SCRN1: variants seen among roughly 807,000 people sequenced by gnomAD.
SCRN1 encodes secernin 1.
A neutral mutation model predicts 43.3 loss-of-function variants in SCRN1; 19 were observed. The ratio of observed to expected loss-of-function variants is 0.44; its 90% CI spans 0.31 to 0.64. The LOEUF (loss-of-function observed/expected upper bound fraction) is 0.64, where lower values mean the gene tolerates loss of function less well. Among genes scored for constraint, SCRN1 ranks in the 30% least tolerant of loss-of-function variants. The pLI is 0.09. For missense variants in SCRN1, 447 were observed against 524.1 expected, an observed-to-expected ratio of 0.85 and a Z score of 1.44; for synonymous variants, 183 against 188.9, an observed-to-expected ratio of 0.97 and a Z score of 0.26.
intron 2 of SCRN1, among the ~76,000 whole-genome samples, chr7:29,957,135 GTTTA>G (rs558467942): frequency 7.9e-5 from 12 of 152,166 alleles, no homozygotes; most frequent in Admixed American, 2.0e-4. Flanking sequence ...TTAGGAAATG[GTTTA>G]TTTGTCTTCA....
chr7:29,957,234 C>G (rs1583676514), intron 2 of SCRN1, among the ~76,000 whole-genome samples: 2 of 152,358 alleles, frequency 1.3e-5, no homozygotes, highest in East Asian at 3.9e-4. Context: ...CTAAATGCTG[C>G]AAGCAGAAAA....
intron 1 of SCRN1, among the ~76,000 whole-genome samples, chr7:29,973,736 G>A (rs943753843): frequency 6.6e-5 from 10 of 152,206 alleles, no homozygotes; most frequent in Admixed American, 6.5e-4. Context: ...CCACAAAGCA[G>A]ACAGAAATGA....
intron 6 of SCRN1, 100 bp from the exon 7 acceptor site, chr7:29,926,732 ATGGTGGG>A: frequency 3.9e-6 from 2 of 516,872 alleles, no homozygotes; most frequent in Non-Finnish European, 6.7e-6. Flanking sequence ...AAGCCAACTT[ATGGTGGG>A]TGGTGGGTGT....
intron 2 of SCRN1, among the ~76,000 whole-genome samples, chr7:29,957,370 C>T (rs1198806206): frequency 1.3e-5 from 2 of 152,344 alleles, no homozygotes; most frequent in Non-Finnish European, 2.9e-5. Flanking sequence ...CCTGAAGCAT[C>T]GTGCCACTGC....
At chr7:29,975,949 G>A (rs1562822366) in intron 1 of SCRN1, among the ~76,000 whole-genome samples, 1 of 152,166 alleles carries the variant, frequency 6.6e-6, no homozygotes, top group Non-Finnish European at 1.5e-5. Context: ...AATGTTGCAT[G>A]CTATTGGAGG....
At chr7:29,981,244 A>G (rs1788984334) in intron 1 of SCRN1, among the ~76,000 whole-genome samples, 1 of 152,192 alleles carries the variant, frequency 6.6e-6, no homozygotes, top group Non-Finnish European at 1.5e-5. Context: ...TACTCAGGAA[A>G]GCTTTTGATC....
At chr7:29,934,584 C>G (rs1787261263) in intron 6 of SCRN1, among the ~76,000 whole-genome samples, 1 of 152,204 alleles carries the variant, frequency 6.6e-6, no homozygotes, top group South Asian at 2.1e-4. Flanking sequence ...ATTAGGGGAG[C>G]AAACTAGGTC....
At chr7:29,962,534 G>A (rs758834950) in intron 2 of SCRN1, among the ~76,000 whole-genome samples, 8 of 151,688 alleles carry the variant, frequency 5.3e-5, no homozygotes, top group Non-Finnish European at 1.0e-4. Flanking sequence ...CCAAAAATAC[G>A]AAAATTAGCC....
intron 1 of SCRN1, among the ~76,000 whole-genome samples, chr7:29,981,896 A>G (rs1789002178): frequency 6.6e-6 from 1 of 152,244 alleles, no homozygotes; most frequent in African/African-American, 2.4e-5. Flanking sequence ...AGAACATTCC[A>G]TAGAAGGCTC....
intron 5 of SCRN1, among the ~76,000 whole-genome samples, chr7:29,940,458 G>T (rs1787500025): frequency 6.6e-6 from 1 of 152,124 alleles, no homozygotes; most frequent in African/African-American, 2.4e-5. Flanking sequence ...GAATAACATG[G>T]GTAGGAGCAG....
At chr7:29,969,586 C>T (rs1359593602) in intron 1 of SCRN1, among the ~76,000 whole-genome samples, 4 of 152,218 alleles carry the variant, frequency 2.6e-5, no homozygotes, top group Non-Finnish European at 5.9e-5. Flanking sequence ...TACTCCACCT[C>T]GATGACATAA....
chr7:29,982,059 CACTG>C (rs1465729347), intron 1 of SCRN1, among the ~76,000 whole-genome samples: 2 of 152,208 alleles, frequency 1.3e-5, no homozygotes, highest in Non-Finnish European at 2.9e-5. Flanking sequence ...AGCTCACTCC[CACTG>C]ACTCTTTTCC....
At chr7:29,954,985 G>C (rs1303089572) in intron 3 of SCRN1, among the ~76,000 whole-genome samples, 194 bp downstream of exon 3, 1 of 152,032 alleles carries the variant, frequency 6.6e-6, no homozygotes, top group Non-Finnish European at 1.5e-5. Context: ...CCAGCCACTT[G>C]ATTTTTTTTT....
chr7:29,989,957 G>A (rs1789315631), upstream of SCRN1: 1 of 1,365,276 alleles, frequency 7.3e-7, no homozygotes. Flanking sequence ...GAGTAGGGAG[G>A]GGGCCTGGGA....
At chr7:29,925,487 G>A (rs564630096) in intron 7 of SCRN1, among the ~76,000 whole-genome samples, 68 of 152,298 alleles carry the variant, frequency 4.5e-4, no homozygotes, top group East Asian at 1.2e-3. Flanking sequence ...AATAGTTGGG[G>A]AAAACTGATG....
rs977426411 is a variant in SCRN1, at chr7:29,965,252, G to A, written c.159+3657C>T. The stretch of plus-strand genomic sequence containing the variant: ...TGGACTCTCATCCTGTAAACAAAAC[G>A]AAACACTTTTCAGCAAGGGAGTGGT... On this transcript the variant is annotated intron_variant, in intron 2 of 7. Coordinates refer to ENST00000242059, the MANE Select transcript of SCRN1 (RefSeq NM_014766.5). This position sits in a 1 kb window ranked among gnomAD's most constrained non-coding sequence, Gnocchi z 4.2. 2.0e-5 allele frequency among the ~76,000 whole-genome samples: 3 copies of A among 152,100 alleles called. No individual in the cohort carries two copies. The highest frequency in any genetic ancestry group is 1.9e-4 in the East Asian group (1 of 5,202).
At chr7:29,932,257 G>C (rs564205013) in intron 6 of SCRN1, among the ~76,000 whole-genome samples, 2 of 152,190 alleles carry the variant, frequency 1.3e-5, no homozygotes, top group African/African-American at 4.8e-5. Flanking sequence ...TGTGCCCCAC[G>C]TGGCTCCAAA....
At chr7:29,957,837 T>C (rs1400406616) in intron 2 of SCRN1, among the ~76,000 whole-genome samples, 2 of 152,194 alleles carry the variant, frequency 1.3e-5, no homozygotes, top group African/African-American at 4.8e-5. Flanking sequence ...GAAGGGTCTC[T>C]ATGGTCCAGA....
intron 5 of SCRN1, among the ~76,000 whole-genome samples, chr7:29,937,514 C>T (rs1451992392): frequency 6.6e-6 from 1 of 152,124 alleles, no homozygotes; most frequent in Non-Finnish European, 1.5e-5. Context: ...GTACCTCAAC[C>T]AGTACAATAA....
Sources: allele counts gnomAD v4.1 joint callset (sites outside exome capture counted in the v4.1 genomes callset), GRCh38; gene constraint gnomAD v4.1.1; non-coding constraint Gnocchi (gnomAD v3.1); transcripts MANE v1.5; gene names NCBI Gene and HGNC (gene_info 2026-07-23, HGNC 2026-07-21).